Variants in NCKAP5 observed in about 807,000 individuals in gnomAD.
NCKAP5 encodes the protein NCK associated protein 5.
Under a neutral mutation model 167.0 loss-of-function variants are expected in NCKAP5, and 92 were observed. The ratio of observed to expected loss-of-function variants is 0.55; its 90% CI spans 0.47 to 0.66. NCKAP5 has a LOEUF of 0.66. Among genes scored for constraint, NCKAP5 ranks in the 30% least tolerant of loss-of-function variants. NCKAP5 has a pLI of 0.00. For synonymous variants in NCKAP5, 891 were observed against 877.4 expected, an observed-to-expected ratio of 1.02 and a Z score of -0.27; for missense variants, 2,378 against 2,315.0, an observed-to-expected ratio of 1.03 and a Z score of -0.56.
At chr2:133,102,952 C>T (rs2081566463) in intron 6 of NCKAP5, among the ~76,000 whole-genome samples, 1 of 152,114 alleles carries the variant, frequency 6.6e-6, no homozygotes, top group Non-Finnish European at 1.5e-5. Context: ...GCCTCAACCT[C>T]CCCATCTGAA....
intron 11 of NCKAP5, among the ~76,000 whole-genome samples, chr2:132,823,673 A>G (rs898211124): frequency 6.6e-6 from 1 of 152,182 alleles, no homozygotes; most frequent in Non-Finnish European, 1.5e-5. Flanking sequence ...TAAGGCGACA[A>G]CTAACATGAT....
intron 2 of NCKAP5, among the ~76,000 whole-genome samples, chr2:133,546,765 C>T (rs754795275): frequency 6.6e-6 from 1 of 152,210 alleles, no homozygotes; most frequent in Non-Finnish European, 1.5e-5. Context: ...ATGAGCCCTC[C>T]CATTAATTCT....
At chr2:132,947,761 T>C (rs1697868585) in intron 8 of NCKAP5, among the ~76,000 whole-genome samples, 1 of 152,132 alleles carries the variant, frequency 6.6e-6, no homozygotes, top group Non-Finnish European at 1.5e-5. Context: ...TTCCCAGATA[T>C]GGGAAATGAA....
chr2:133,235,802 G>A (rs2087380385), intron 4 of NCKAP5, among the ~76,000 whole-genome samples: 1 of 151,800 alleles, frequency 6.6e-6, no homozygotes, highest in Non-Finnish European at 1.5e-5. Context: ...TACTCGGGAG[G>A]CTGAGGCAGG....
chr2:133,517,484 T>C lies in NCKAP5; in HGVS notation c.43A>G (p.Arg15Gly). 1.3e-6 allele frequency: 2 copies of C among 1,527,102 alleles called. No homozygotes were observed. The highest frequency in any genetic ancestry group is 2.1e-5 in the Admixed American group (1 of 47,692). 94.6% of individuals were successfully genotyped at this position (1,527,102 alleles called of 1,614,324 possible). The change falls in exon 3 of 20, where the codon AGG becomes GGG. Residue 15 changes from arginine to glycine, a missense_variant. Coordinates refer to ENST00000409261, the MANE Select transcript of NCKAP5 (RefSeq NM_207363.3). ...RQLEKRDFGK[R>G]LSLDSSLVEY... ...ACAAGACTGCTGTCTAGAGACAGCC[T>C]TTTTCCAAAGTCCCTTTTCTCAAGC...
intron 4 of NCKAP5, among the ~76,000 whole-genome samples, chr2:133,233,080 G>T (rs1344787939): frequency 6.6e-6 from 1 of 152,128 alleles, no homozygotes; most frequent in African/African-American, 2.4e-5. Context: ...GGAAAAACCT[G>T]CAGTGCTGTA....
the NCKAP5 span, among the ~76,000 whole-genome samples, chr2:133,637,846 C>T: frequency 6.6e-6 from 1 of 151,990 alleles, no homozygotes; most frequent in Non-Finnish European, 1.5e-5. Context: ...TGATGAAAAC[C>T]ATAAATTTTT....
At chr2:133,444,752 C>A (rs1233164981) in intron 3 of NCKAP5, among the ~76,000 whole-genome samples, 2 of 152,196 alleles carry the variant, frequency 1.3e-5, no homozygotes, top group Non-Finnish European at 2.9e-5. Flanking sequence ...TCAGCCCTCT[C>A]CATGAACTTG....
intron 8 of NCKAP5, among the ~76,000 whole-genome samples, chr2:132,944,458 C>T (rs1436893687): frequency 6.6e-6 from 1 of 152,188 alleles, no homozygotes; most frequent in Admixed American, 6.5e-5. Flanking sequence ...TTCCAACAAC[C>T]GTGTTAGGTA....
intron 19 of NCKAP5, among the ~76,000 whole-genome samples, chr2:132,722,052 G>A (rs1438959219): frequency 2.0e-5 from 3 of 152,194 alleles, no homozygotes; most frequent in Non-Finnish European, 2.9e-5. Context: ...TTTTGCAGAA[G>A]GATTTAAAAA....
intron 5 of NCKAP5, among the ~76,000 whole-genome samples, chr2:133,179,261 T>C (rs1180420990): frequency 2.6e-5 from 4 of 151,914 alleles, no homozygotes; most frequent in African/African-American, 7.3e-5. Flanking sequence ...TTTTGCAGTT[T>C]GTATTACACT....
chr2:133,243,368 T>C (rs923048410), intron 4 of NCKAP5, among the ~76,000 whole-genome samples: 4 of 152,210 alleles, frequency 2.6e-5, no homozygotes, highest in African/African-American at 4.8e-5. Context: ...AAGCATTTCA[T>C]AGCATTTCAT....
intron 4 of NCKAP5, among the ~76,000 whole-genome samples, chr2:133,284,951 A>G (rs975798950): frequency 1.3e-5 from 2 of 152,226 alleles, no homozygotes; most frequent in African/African-American, 4.8e-5. Flanking sequence ...TCATATATCA[A>G]GAGCATGCCC....
intron 11 of NCKAP5, among the ~76,000 whole-genome samples, chr2:132,846,271 A>T (rs562940092): frequency 2.0e-5 from 3 of 152,246 alleles, no homozygotes; most frequent in East Asian, 3.9e-4. Context: ...CAGAACTGGG[A>T]CATAAATCTA....
At chr2:132,688,642 G>A (rs1019650867) in intron 19 of NCKAP5, among the ~76,000 whole-genome samples, 5 of 152,050 alleles carry the variant, frequency 3.3e-5, no homozygotes, top group African/African-American at 1.2e-4. Flanking sequence ...GTTTGAAGCT[G>A]AGCTACATCA....
Position 132,783,754 on chromosome 2 carries a change from T to C in NCKAP5, c.3057A>G (p.Arg1019=). 6.3e-7 allele frequency: 1 copy of C among 1,596,240 alleles called. No homozygotes were observed. Among genetic ancestry groups the C allele is most frequent in the Non-Finnish European group, 8.5e-7 (1 of 1,172,002 alleles). Residue 1019 remains arginine (R), a synonymous_variant, in exon 14 of 20, where the codon CGA becomes CGG. Transcript: ENST00000409261. ...MPSPEAVIQT[R]CPAHAPSSSF... ...AGCTGGAGGGGGCATGAGCAGGGCA[T>C]CGGGTTTGAATGACTGCTTCTGGGG...
intron 13 of NCKAP5, among the ~76,000 whole-genome samples, chr2:132,787,070 C>T (rs1347721429): frequency 6.6e-6 from 1 of 152,090 alleles, no homozygotes; most frequent in Non-Finnish European, 1.5e-5. Flanking sequence ...GCTATATGGG[C>T]CAGGCGCAGT....
chr2:132,828,160 C>A (rs989116514), intron 11 of NCKAP5, among the ~76,000 whole-genome samples: 1 of 152,200 alleles, frequency 6.6e-6, no homozygotes, highest in African/African-American at 2.4e-5. Context: ...TGATCTTGAA[C>A]TGTCCAGCCT....
At chr2:132,837,985 G>A (rs1688020616) in intron 11 of NCKAP5, among the ~76,000 whole-genome samples, 1 of 152,288 alleles carries the variant, frequency 6.6e-6, no homozygotes, top group African/African-American at 2.4e-5. Context: ...CTACAGGGCA[G>A]CATGAATACT....
Sources: allele counts gnomAD v4.1 joint callset (sites outside exome capture counted in the v4.1 genomes callset), GRCh38; gene constraint gnomAD v4.1.1; transcripts MANE v1.5; gene names NCBI Gene and HGNC (gene_info 2026-07-23, HGNC 2026-07-21).